The following ZNF841 variants were observed in gnomAD, a reference collection of about 807,000 sequenced individuals.
ZNF841 encodes the protein TCONS_00006091.
ZNF841 carries 11 observed loss-of-function variants against 13.0 expected under a neutral mutation model. The ratio of observed to expected loss-of-function variants is 0.85; its 90% CI spans 0.53 to 1.40. The LOEUF (loss-of-function observed/expected upper bound fraction) is 1.40. Among genes scored for constraint, ZNF841 ranks in the 40% most tolerant of loss-of-function variants. The pLI, the probability that ZNF841 is intolerant of heterozygous loss-of-function variation, is 0.00. For synonymous variants in ZNF841, 369 were observed against 381.6 expected, an observed-to-expected ratio of 0.97 and a Z score of 0.38; for missense variants, 1,068 against 1,139.5, an observed-to-expected ratio of 0.94 and a Z score of 0.90.
At position 52,067,232 on chromosome 19, in the gene ZNF841, C is replaced by G. The variant is rs577615889; in HGVS notation, c.650G>C (p.Cys217Ser). Residue 217 changes from cysteine (C) to serine (S), a missense_variant, in exon 7 of 7, where the codon TGT becomes TCT. By Grantham distance (112) the Cys-to-Ser change is moderately radical (BLOSUM62 -1). Transcript: ENST00000594440. ...TCTTTGAAGTGGTGAAGCTAAAAAA[C>G]AATTATTAACTGTCCTCTCAATTTG... Reference protein sequence around the residue: ...CNQIERTVNNCFLASPLQRIF... With the variant: ...CNQIERTVNNSFLASPLQRIF... 192 of 1,549,112 alleles carry G rather than the reference C, an allele frequency of 1.2e-4. 1 individual carries two copies. In the East Asian group the frequency reaches 4.0e-3, roughly 33 times the overall value.
At chr19:52,086,870 T>C (rs2088293216) in intron 3 of ZNF841, among the ~76,000 whole-genome samples, 1 of 152,216 alleles carries the variant, frequency 6.6e-6, no homozygotes, top group African/African-American at 2.4e-5. Flanking sequence ...ATCAGTGGAA[T>C]GGTGGATATG....
chr19:52,093,546 T>TTA (rs2123401522), intron 2 of ZNF841, among the ~76,000 whole-genome samples: 1 of 152,326 alleles, frequency 6.6e-6, no homozygotes, highest in African/African-American at 2.4e-5. Flanking sequence ...ATGTACACCA[T>TTA]GGTGACTATA....
intron 3 of ZNF841, among the ~76,000 whole-genome samples, chr19:52,085,156 C>T (rs1490435086): frequency 6.6e-6 from 1 of 152,158 alleles, no homozygotes; most frequent in Non-Finnish European, 1.5e-5. Context: ...CCTGATCAAA[C>T]CCCATACAGA....
chr19:52,062,198 G>A (rs1194812561), downstream of ZNF841, among the ~76,000 whole-genome samples: 3 of 152,112 alleles, frequency 2.0e-5, no homozygotes, highest in Non-Finnish European at 4.4e-5. Flanking sequence ...TGGGCAACAG[G>A]GTGGTGACAT....
rs1444277059 is a variant in ZNF841, at chr19:52,066,992, G to T, written c.890C>A (p.Ala297Asp). 6.2e-7 allele frequency: 1 copy of T among 1,613,948 alleles called. No homozygotes were observed. The highest frequency in any genetic ancestry group is 8.5e-7 in the Non-Finnish European group (1 of 1,180,024). The change falls in exon 7 of 7, where the codon GCC becomes GAC. Residue 297 changes from alanine to aspartate, a missense_variant. Physicochemically the swap from Ala to Asp is moderately radical, Grantham distance 126. Transcript: ENST00000594440. ...TGTTAGTAGTGAGCCCCGATGAAAGGCTTTACCAGACTCATTGCATCTGTA... is the reference window on the plus strand; with the variant it reads ...TGTTAGTAGTGAGCCCCGATGAAAGTCTTTACCAGACTCATTGCATCTGTA... ...KPYRCNESGK[A>D]FHRGSLLTVH...
At chr19:52,083,982 TC>T (rs1322561945) in intron 4 of ZNF841, among the ~76,000 whole-genome samples, 1 of 151,998 alleles carries the variant, frequency 6.6e-6, no homozygotes, top group Non-Finnish European at 1.5e-5. Context: ...AATATATATA[TC>T]ATGTGATGTT....
chr19:52,084,826 T>C lies in ZNF841; in HGVS notation c.-25A>G, dbSNP rs749428651. The C allele has an allele frequency of 1.2e-6, 2 of 1,611,736 alleles. No homozygotes were observed. The highest frequency in any genetic ancestry group is 1.7e-6 in the Non-Finnish European group (2 of 1,178,862). ...TCCCTGGCTCCTTTTCTTTCTTCTT[T>C]CTCTCCTGGGCCTCTCTCTCAGTCA... On this transcript the variant is annotated 5_prime_UTR_variant, in exon 4 of 7. Coordinates refer to ENST00000594440, the MANE Select transcript of ZNF841 (RefSeq NM_001136499.2).
chr19:52,064,198 T>C (rs908846070), downstream of ZNF841, among the ~76,000 whole-genome samples: 61 of 151,172 alleles, frequency 4.0e-4, 2 homozygotes, highest in African/African-American at 1.4e-3. Context: ...CAAAAAAAAT[T>C]AGCCGGGCGC....
At chr19:52,073,669 T>TA (rs1358415704) in intron 6 of ZNF841, among the ~76,000 whole-genome samples, 1 of 152,154 alleles carries the variant, frequency 6.6e-6, no homozygotes, top group East Asian at 1.9e-4. Context: ...AAAAAATATA[T>TA]AGGTTTTATA....
intron 4 of ZNF841, among the ~76,000 whole-genome samples, chr19:52,080,316 G>T (rs776066794): frequency 1.3e-5 from 2 of 152,114 alleles, no homozygotes; most frequent in African/African-American, 2.4e-5. Flanking sequence ...ATTGCCTCGG[G>T]GATAAATCCA....
intron 6 of ZNF841, among the ~76,000 whole-genome samples, chr19:52,075,594 G>A (rs2087873779): frequency 6.6e-6 from 1 of 152,186 alleles, no homozygotes; most frequent in African/African-American, 2.4e-5. Flanking sequence ...CTCATCTCCT[G>A]ACCAGCACTT....
chr19:52,082,417 G>T (rs568712755), intron 4 of ZNF841, among the ~76,000 whole-genome samples: 41 of 152,048 alleles, frequency 2.7e-4, no homozygotes, highest in African/African-American at 8.9e-4. Context: ...TCTACAAAAA[G>T]ATATACACAA....
intron 4 of ZNF841, among the ~76,000 whole-genome samples, chr19:52,083,037 G>A (rs1179660099): frequency 2.0e-5 from 3 of 149,858 alleles, no homozygotes; most frequent in African/African-American, 4.9e-5. Flanking sequence ...CTGAGATTGC[G>A]TCACTGCACT....
downstream of ZNF841, among the ~76,000 whole-genome samples, chr19:52,061,703 T>C (rs528687233): frequency 1.4e-4 from 21 of 152,214 alleles, no homozygotes; most frequent in East Asian, 1.4e-3. Flanking sequence ...CACACCACCA[T>C]GCCCATCTAA....
downstream of ZNF841, among the ~76,000 whole-genome samples, chr19:52,063,865 C>G (rs2087446880): frequency 6.6e-6 from 1 of 152,194 alleles, no homozygotes; most frequent in African/African-American, 2.4e-5. Flanking sequence ...TATAAACTCT[C>G]AAGTAGTGAC....
rs781664063 is a variant in ZNF841, at chr19:52,066,549, C to G, written c.1333G>C (p.Val445Leu). 1.5e-5 allele frequency: 25 copies of G among 1,613,430 alleles called. No individual in the cohort carries two copies. In the East Asian group the frequency reaches 4.9e-4, roughly 32 times the overall value. Residue 445 changes from valine to leucine, a missense_variant, in exon 7 of 7, where the codon GTA becomes CTA. Physicochemically the swap from Val to Leu is conservative, Grantham distance 32. Transcript: ENST00000594440. ...CCAGTATGAATTATCTGGTGCCTTA[C>G]AAGTTGTGAATTCTGATAAAAGACC... is the stretch of plus-strand genomic sequence containing the variant. ...GKVFYQNSQL[V>L]RHQIIHTGET...
At position 52,076,128 on chromosome 19, in the gene ZNF841, C is replaced by T. The variant is rs1415986590; in HGVS notation, c.187G>A (p.Gly63Arg). The change falls in exon 6 of 7, where the codon GGG becomes AGG. Residue 63 changes from glycine (G) to arginine (R), a missense_variant. Physicochemically the swap from Gly to Arg is moderately radical, Grantham distance 125. Coordinates refer to ENST00000594440, the MANE Select transcript of ZNF841 (RefSeq NM_001136499.2). ...DLNIISMLEQ[G>R]KEPWTVVSQV... ...CTCACCACAGTCCAGGGCTCTTTCC[C>T]TTGCTCCAACATGGAGATAATATTC... 1 of 1,557,224 alleles carries T rather than the reference C, an allele frequency of 6.4e-7. No homozygotes were observed. The highest frequency in any genetic ancestry group is 1.9e-5 in the Admixed American group (1 of 51,678).
intron 5 of ZNF841, 64 bp from the exon 6 acceptor site, chr19:52,076,236 T>C: frequency 2.6e-6 from 4 of 1,513,746 alleles, no homozygotes; most frequent in East Asian, 4.9e-5. Context: ...AATGTCTAGG[T>C]AGAAGAGAAA....
intron 6 of ZNF841, among the ~76,000 whole-genome samples, chr19:52,071,804 G>A (rs907750501): frequency 6.6e-6 from 1 of 151,864 alleles, no homozygotes; most frequent in African/African-American, 2.4e-5. Context: ...AAATCTAAAA[G>A]AGATATAGAA....
Sources: gnomAD v4.1 joint callset for allele counts (sites outside exome capture counted in the v4.1 genomes callset) on GRCh38, gnomAD v4.1.1 for gene constraint, MANE v1.5 for transcripts, NCBI Gene and HGNC (gene_info 2026-07-23, HGNC 2026-07-21) for gene names.